DOCK2: variants seen among roughly 807,000 people sequenced by gnomAD.
DOCK2 encodes dedicator of cytokinesis 2.
In DOCK2, 87 loss-of-function variants were observed where a neutral mutation model predicts 248.9. That is an observed-to-expected ratio of 0.35 (90% confidence interval 0.29 to 0.42). DOCK2 has a LOEUF of 0.42. Ranked by LOEUF, DOCK2 falls within the 10% of genes least tolerant of loss-of-function variation. The pLI is 1.00. For missense variants in DOCK2, 1,747 were observed against 2,300.2 expected (o/e 0.76, Z 4.92); for synonymous variants, 805 against 821.6 (o/e 0.98, Z 0.35).
Position 169,910,681 on chromosome 5 carries a change from C to T in DOCK2, c.2799+69829C>T, listed in dbSNP as rs183584758. 3.1e-3 allele frequency among the ~76,000 whole-genome samples: 466 copies of T among 152,344 alleles called. 4 individuals are homozygous for T. The highest frequency in any genetic ancestry group is 0.01 in the African/African-American group (433 of 41,578). On this transcript the variant is annotated intron_variant, in intron 27 of 51. Coordinates refer to ENST00000520908, the MANE Select transcript of DOCK2 (RefSeq NM_004946.3). ...ATGAAGTCCCCAAAATGACCTGTTACATCTCTAGCTACAAGACTCAGGGAA... is the reference window on the plus strand; with the variant it reads ...ATGAAGTCCCCAAAATGACCTGTTATATCTCTAGCTACAAGACTCAGGGAA...
At chr5:169,688,718 A>C (rs1382734867) in intron 8 of DOCK2, among the ~76,000 whole-genome samples, 1 of 152,172 alleles carries the variant, frequency 6.6e-6, no homozygotes, top group Non-Finnish European at 1.5e-5. Context: ...ATGGCATTTA[A>C]ACAGTTATTT....
chr5:169,729,995 T>C (rs926762075), intron 22 of DOCK2, among the ~76,000 whole-genome samples: 33 of 152,174 alleles, frequency 2.2e-4, no homozygotes, highest in African/African-American at 8.0e-4. Flanking sequence ...CTCACTCTGT[T>C]GCCCAGGCTG....
At chr5:169,883,242 A>C in intron 27 of DOCK2, 2 of 1,551,640 alleles carry the variant, frequency 1.3e-6, no homozygotes, top group Non-Finnish European at 1.7e-6. Flanking sequence ...GGCTGAGAGC[A>C]GACTCTCTAG....
chr5:169,993,426 AC>A (rs1778259056), intron 29 of DOCK2, among the ~76,000 whole-genome samples: 1 of 152,128 alleles, frequency 6.6e-6, no homozygotes, highest in African/African-American at 2.4e-5. Flanking sequence ...TCAGCTAGTG[AC>A]CCTGTGAAAA....
chr5:169,848,861 A>G (rs1395159916), intron 27 of DOCK2, among the ~76,000 whole-genome samples: 1 of 152,160 alleles, frequency 6.6e-6, no homozygotes, highest in Admixed American at 6.5e-5. Flanking sequence ...TCACCTCATA[A>G]TAGTGCTGGA....
At chr5:169,719,718 A>G (rs1203647763) in intron 22 of DOCK2, among the ~76,000 whole-genome samples, 2 of 152,228 alleles carry the variant, frequency 1.3e-5, no homozygotes, top group African/African-American at 4.8e-5. Flanking sequence ...ACATTCTACC[A>G]GTGGAAGCAA....
At chr5:170,069,827 A>G (rs572294434) in intron 46 of DOCK2, among the ~76,000 whole-genome samples, 11 of 151,600 alleles carry the variant, frequency 7.3e-5, no homozygotes, top group Admixed American at 3.3e-4. Flanking sequence ...CTCTCTTTGC[A>G]TCCCTCTTCT....
intron 27 of DOCK2, among the ~76,000 whole-genome samples, chr5:169,945,461 G>A (rs988416388): frequency 2.6e-5 from 4 of 152,256 alleles, no homozygotes; most frequent in African/African-American, 9.6e-5. Context: ...TAATTGAGCT[G>A]TTACTTCGTG....
chr5:169,914,522 G>A (rs1208086483), intron 27 of DOCK2, among the ~76,000 whole-genome samples: 2 of 152,172 alleles, frequency 1.3e-5, no homozygotes, highest in Non-Finnish European at 2.9e-5. Context: ...AAAGACCAAG[G>A]CTAAATCAGA....
chr5:169,957,111 G>C (rs868045762), intron 27 of DOCK2, among the ~76,000 whole-genome samples: 1 of 152,092 alleles, frequency 6.6e-6, no homozygotes, highest in South Asian at 2.1e-4. Context: ...GCAGTAATAA[G>C]ACTGTCAGTG....
intron 27 of DOCK2, among the ~76,000 whole-genome samples, chr5:169,922,440 T>A (rs1397274904): frequency 6.6e-6 from 1 of 152,218 alleles, no homozygotes; most frequent in Non-Finnish European, 1.5e-5. Context: ...ACCTGGTCAG[T>A]TTAGAGCTTT....
intron 26 of DOCK2, among the ~76,000 whole-genome samples, chr5:169,830,046 A>G (rs1053848137): frequency 6.6e-6 from 1 of 152,218 alleles, no homozygotes; most frequent in African/African-American, 2.4e-5. Context: ...CTTGCTTGTT[A>G]CATTTGGGTA....
chr5:169,694,197 G>A (rs1760470493), intron 9 of DOCK2, among the ~76,000 whole-genome samples: 1 of 152,202 alleles, frequency 6.6e-6, no homozygotes, highest in Non-Finnish European at 1.5e-5. Context: ...CTTGGTCCTG[G>A]ATCTGATGTG....
intron 25 of DOCK2, among the ~76,000 whole-genome samples, chr5:169,786,285 ACTT>A (rs1444203749): frequency 6.6e-6 from 1 of 152,132 alleles, no homozygotes; most frequent in Non-Finnish European, 1.5e-5. Flanking sequence ...AAGTGGGCAC[ACTT>A]CAGTTAGTAG....
intron 26 of DOCK2, among the ~76,000 whole-genome samples, chr5:169,834,887 G>A (rs1278889307): frequency 6.6e-6 from 1 of 152,158 alleles, no homozygotes; most frequent in East Asian, 1.9e-4. Context: ...CTACTTGGAG[G>A]ACACAGACTC....
Position 169,655,167 on chromosome 5 carries a change from A to G in DOCK2, c.127+681A>G, listed in dbSNP as rs576024430. On this transcript the variant is annotated intron_variant, in intron 2 of 51. Transcript: ENST00000520908. Reference sequence around the variant, plus strand: ...TTGATATTGGGAGCATGGCTTGGGCATGAGAACCAAATGAGCTGCTGATCT... The same window carrying G: ...TTGATATTGGGAGCATGGCTTGGGCGTGAGAACCAAATGAGCTGCTGATCT... Among the ~76,000 whole-genome samples, 125 of 152,352 alleles carry G rather than the reference A, an allele frequency of 8.2e-4. 2 individuals carry two copies. Among genetic ancestry groups the G allele is most frequent in the African/African-American group, 2.9e-3 (119 of 41,582 alleles).
intron 33 of DOCK2, among the ~76,000 whole-genome samples, chr5:170,025,790 C>CCCTT (rs1193226351): frequency 0.07 from 4,747 of 67,528 alleles, 328 homozygotes; most frequent in South Asian, 0.11. Context: ...CTCCTTCCCT[C>CCCTT]CCTTCCTTCC....
At chr5:169,859,493 A>C (rs976650996) in intron 27 of DOCK2, among the ~76,000 whole-genome samples, 5 of 152,228 alleles carry the variant, frequency 3.3e-5, no homozygotes, top group African/African-American at 1.2e-4. Flanking sequence ...TGATCATAAA[A>C]CATCTTTGTT....
intron 38 of DOCK2, among the ~76,000 whole-genome samples, chr5:170,043,139 C>T (rs1756577718): frequency 6.6e-6 from 1 of 152,148 alleles, no homozygotes; most frequent in Non-Finnish European, 1.5e-5. Context: ...TGCCATGCAC[C>T]CTATAGAGAA....
Sources: allele counts gnomAD v4.1 joint callset (sites outside exome capture counted in the v4.1 genomes callset), GRCh38; gene constraint gnomAD v4.1.1; transcripts MANE v1.5; gene names NCBI Gene and HGNC (gene_info 2026-07-23, HGNC 2026-07-21).